Variants in DCHS2 observed in about 807,000 individuals in gnomAD.
The protein encoded by DCHS2 is protocadherin-23.
A neutral mutation model predicts 182.4 loss-of-function variants in DCHS2; 142 were observed. The observed-to-expected ratio is 0.78, with a 90% CI of 0.68 to 0.89. DCHS2 has a LOEUF of 0.89. DCHS2 is among the 40% of genes least tolerant of loss of function. DCHS2 has a pLI of 0.00. For missense variants in DCHS2, 4,319 were observed against 4,198.6 expected, an observed-to-expected ratio of 1.03 and a Z score of -0.79; for synonymous variants, 1,740 against 1,663.3, an observed-to-expected ratio of 1.05 and a Z score of -1.12.
At chr4:154,467,305 A>G (rs1735279005) in intron 1 of DCHS2, among the ~76,000 whole-genome samples, 1 of 152,200 alleles carries the variant, frequency 6.6e-6, no homozygotes, top group Non-Finnish European at 1.5e-5. Flanking sequence ...ACTAAGTTGC[A>G]TATTTAACTT....
chr4:154,304,559 G>T, intron 12 of DCHS2, 110 bp downstream of exon 12: 1 of 893,688 alleles, frequency 1.1e-6, no homozygotes, highest in East Asian at 2.7e-5. Context: ...CTTGAACCTG[G>T]GAGGTGAAGT....
chr4:154,398,428 G>A (rs1732024039), intron 1 of DCHS2, among the ~76,000 whole-genome samples: 1 of 152,092 alleles, frequency 6.6e-6, no homozygotes, highest in Non-Finnish European at 1.5e-5. Flanking sequence ...TATTATTCTT[G>A]TTCTCATTTT....
intron 12 of DCHS2, among the ~76,000 whole-genome samples, chr4:154,302,511 A>T (rs1181223064): frequency 6.6e-6 from 1 of 152,202 alleles, no homozygotes; most frequent in Admixed American, 6.5e-5. Context: ...AACCCTGCCT[A>T]TCTCCTGTGT....
At chr4:154,379,823 C>T (rs966645927) in intron 1 of DCHS2, among the ~76,000 whole-genome samples, 6 of 152,146 alleles carry the variant, frequency 3.9e-5, no homozygotes, top group African/African-American at 1.4e-4. Flanking sequence ...TCTCCTTCAT[C>T]CTGTTCCATC....
intron 7 of DCHS2, among the ~76,000 whole-genome samples, chr4:154,326,648 C>A (rs940174737): frequency 2.0e-5 from 3 of 152,114 alleles, no homozygotes; most frequent in African/African-American, 7.2e-5. Flanking sequence ...ATCAGCATCA[C>A]GTATTGATAG....
At chr4:154,361,110 C>A (rs921395513) in intron 3 of DCHS2, among the ~76,000 whole-genome samples, 47 of 152,180 alleles carry the variant, frequency 3.1e-4, no homozygotes, top group African/African-American at 1.1e-3. Flanking sequence ...GCATTTATAT[C>A]ATTAACATGC....
intron 1 of DCHS2, among the ~76,000 whole-genome samples, chr4:154,390,234 T>G (rs1227544295): frequency 6.7e-6 from 1 of 149,946 alleles, no homozygotes; most frequent in Non-Finnish European, 1.5e-5. Flanking sequence ...CATCTAGCAT[T>G]AGGTATATCT....
intron 1 of DCHS2, among the ~76,000 whole-genome samples, chr4:154,389,516 T>TATTATATATATATATATATATATATATA: frequency 9.0e-6 from 1 of 111,194 alleles, no homozygotes; most frequent in Admixed American, 8.7e-5. Flanking sequence ...AAGACAAAGG[T>TATTATATATATATATATATATATATATA]TATATATATA....
chr4:154,266,245 A>G (rs1173266036), intron 14 of DCHS2, among the ~76,000 whole-genome samples: 1 of 152,206 alleles, frequency 6.6e-6, no homozygotes, highest in African/African-American at 2.4e-5. Context: ...TCCTGGATCA[A>G]CGAGCCACGA....
chr4:154,350,676 A>G (rs553117243), intron 3 of DCHS2, among the ~76,000 whole-genome samples: 13 of 152,246 alleles, frequency 8.5e-5, no homozygotes, highest in Non-Finnish European at 1.6e-4. Context: ...ACATCTCTAT[A>G]TTTGTGATTT....
chr4:154,457,235 C>A (rs1251462346), intron 1 of DCHS2, among the ~76,000 whole-genome samples: 1 of 152,154 alleles, frequency 6.6e-6, no homozygotes, highest in Non-Finnish European at 1.5e-5. Flanking sequence ...ACAAGTTCAT[C>A]TACTAACCTC....
intron 1 of DCHS2, among the ~76,000 whole-genome samples, chr4:154,428,939 G>T (rs1183675240): frequency 6.6e-6 from 1 of 150,406 alleles, no homozygotes; most frequent in Non-Finnish European, 1.5e-5. Context: ...GGGTAAAAAG[G>T]CAAAGCTACT....
chr4:154,323,291 TC>T, intron 7 of DCHS2: 1 of 1,548,198 alleles, frequency 6.5e-7, no homozygotes, highest in East Asian at 2.5e-5. Flanking sequence ...CACGACTGCT[TC>T]CCAAATGCTG....
At chr4:154,295,792 C>A (rs1046569891) in intron 13 of DCHS2, among the ~76,000 whole-genome samples, 2 of 152,092 alleles carry the variant, frequency 1.3e-5, no homozygotes, top group South Asian at 4.1e-4. Context: ...AGAGGCCGAC[C>A]CACTCAACTA....
chr4:154,357,330 T>C, intron 3 of DCHS2: 1 of 1,592,748 alleles, frequency 6.3e-7, no homozygotes, highest in Non-Finnish European at 8.6e-7. Flanking sequence ...GAGTCCTAAT[T>C]AGGGAAAAGG....
In DCHS2 at chr4:154,298,379, C is replaced by T. The variant is rs748361716; in HGVS notation, c.5935G>A (p.Ala1979Thr). ...CCTGACATAGGATCAATGGTGAATG[C>T]ACCAGAAGCCTCATCAGTCAGAAAA... ...EYFLTDEASG[A>T]FTIDPMSGTL... Residue 1979 changes from alanine (A) to threonine (T), a missense_variant, in exon 13 of 20, where the codon GCA becomes ACA. Ala to Thr is a moderately conservative substitution (Grantham distance 58, BLOSUM62 0). Transcript: ENST00000357232. The T allele has an allele frequency of 1.9e-6, 3 of 1,614,192 alleles. No homozygotes were observed. Among genetic ancestry groups the T allele is most frequent in the Non-Finnish European group, 2.5e-6 (3 of 1,180,018 alleles).
intron 1 of DCHS2, among the ~76,000 whole-genome samples, chr4:154,389,331 A>G (rs1731564153): frequency 6.6e-6 from 1 of 151,890 alleles, no homozygotes; most frequent in Non-Finnish European, 1.5e-5. Context: ...CCCCTGATCT[A>G]AAGCATAAGA....
At position 154,240,687 on chromosome 4, in the gene DCHS2, C is replaced by T. The variant is rs1430469199; in HGVS notation, c.7209G>A (p.Val2403=). 30 of 1,613,894 alleles carry T rather than the reference C, an allele frequency of 1.9e-5. No individual in the cohort carries two copies. Among genetic ancestry groups the T allele is most frequent in the Non-Finnish European group, 2.3e-5 (27 of 1,179,938 alleles). ...FAIDQNTGVV[V]LVKTLDFEEM... is the part of the protein sequence containing the mutation. ...CTTCAAAATCCAATGTTTTCACCAA[C>T]ACCACCACTCCAGTGTTCTGATCAA... is the stretch of plus-strand genomic sequence containing the variant. The change falls in exon 18 of 20, where the codon GTG becomes GTA. Residue 2403 remains valine (V), a synonymous_variant. Transcript: ENST00000357232.
At chr4:154,310,273 T>G (rs1735621452) in intron 10 of DCHS2, among the ~76,000 whole-genome samples, 1 of 152,318 alleles carries the variant, frequency 6.6e-6, no homozygotes, top group African/African-American at 2.4e-5. Flanking sequence ...ATAACATTGG[T>G]TTAGGCTGGA....
Sources: allele counts gnomAD v4.1 joint callset (sites outside exome capture counted in the v4.1 genomes callset), GRCh38; gene constraint gnomAD v4.1.1; transcripts MANE v1.5; gene names NCBI Gene and HGNC (gene_info 2026-07-23, HGNC 2026-07-21).